The following CCDC7 variants were observed in gnomAD, a reference collection of about 807,000 sequenced individuals.
CCDC7 encodes coiled-coil domain-containing protein 7.
CCDC7 carries 183 observed loss-of-function variants against 196.9 expected under a neutral mutation model. The observed-to-expected ratio is 0.93, with a 90% CI of 0.82 to 1.05. The LOEUF (loss-of-function observed/expected upper bound fraction) is 1.05. Among genes scored for constraint, CCDC7 ranks in the 50% least tolerant of loss-of-function variants. CCDC7 has a pLI of 0.00. For missense variants in CCDC7, 1,540 were observed against 1,482.2 expected (o/e 1.04, Z -0.64); for synonymous variants, 525 against 484.6 (o/e 1.08, Z -1.10).
intron 20 of CCDC7, among the ~76,000 whole-genome samples, chr10:32,658,652 A>G (rs2070517230): frequency 6.6e-6 from 1 of 152,226 alleles, no homozygotes; most frequent in Non-Finnish European, 1.5e-5. Context: ...TGCTGTATAT[A>G]TACACAACGA....
chr10:32,669,392 C>T (rs557585043), intron 21 of CCDC7, among the ~76,000 whole-genome samples: 4 of 152,106 alleles, frequency 2.6e-5, no homozygotes, highest in African/African-American at 9.6e-5. Flanking sequence ...GTAATGCTGG[C>T]CTCCTAAAAT....
intron 9 of CCDC7, among the ~76,000 whole-genome samples, chr10:32,507,476 A>G (rs1318190281): frequency 6.6e-6 from 1 of 150,954 alleles, no homozygotes; most frequent in African/African-American, 2.4e-5. Flanking sequence ...TTTGAGTTGG[A>G]TTCTCACTCT....
At chr10:32,747,827 A>ATTTT (rs1398288882) in intron 28 of CCDC7, among the ~76,000 whole-genome samples, 1 of 152,246 alleles carries the variant, frequency 6.6e-6, no homozygotes, top group Non-Finnish European at 1.5e-5. Flanking sequence ...AACTTAAAAC[A>ATTTT]GAGCTACCAT....
Position 32,845,941 on chromosome 10 carries a change from C to T in CCDC7, c.3586C>T (p.Gln1196Ter). The T allele has an allele frequency of 6.2e-7, 1 of 1,611,334 alleles. No individual in the cohort carries two copies. The highest frequency in any genetic ancestry group is 8.5e-7 in the Non-Finnish European group (1 of 1,177,972). ...TATAATAATAGGGCCAATCACTACA[C>T]AACTGAAGAGTCACCGAGGTAAGAG... The change falls in exon 36 of 42, where the codon CAA becomes TAA. Residue 1196 changes from glutamine (Q) to a stop codon, truncating the protein, a stop_gained. Transcript: ENST00000639629. LOFTEE classifies it high-confidence loss of function.
intron 28 of CCDC7, among the ~76,000 whole-genome samples, chr10:32,767,774 G>A (rs2078556958): frequency 6.6e-6 from 1 of 152,078 alleles, no homozygotes; most frequent in African/African-American, 2.4e-5. Context: ...ATTAAATAAG[G>A]CATCAGTAAC....
intron 21 of CCDC7, among the ~76,000 whole-genome samples, chr10:32,680,464 G>A (rs751441064): frequency 3.3e-5 from 5 of 151,640 alleles, no homozygotes; most frequent in Admixed American, 1.3e-4. Flanking sequence ...AAGTTCTAGA[G>A]TACATGTGCA....
At chr10:32,643,715 C>T (rs943849312) in intron 20 of CCDC7, among the ~76,000 whole-genome samples, 13 of 151,724 alleles carry the variant, frequency 8.6e-5, no homozygotes, top group South Asian at 2.1e-4. Flanking sequence ...TGACTTTCAA[C>T]TTTTTAAGTG....
intron 18 of CCDC7, among the ~76,000 whole-genome samples, chr10:32,625,255 G>A (rs2063877224): frequency 6.6e-6 from 1 of 151,368 alleles, no homozygotes; most frequent in Non-Finnish European, 1.5e-5. Context: ...CCTAATTTAA[G>A]GAATTATGTT....
chr10:32,565,224 T>C (rs2056586199), intron 13 of CCDC7, among the ~76,000 whole-genome samples: 1 of 152,206 alleles, frequency 6.6e-6, no homozygotes, highest in South Asian at 2.1e-4. Context: ...GCCAGAACAA[T>C]GTTTATTTTG....
chr10:32,494,358 T>C (rs2042585098), intron 9 of CCDC7, among the ~76,000 whole-genome samples: 1 of 151,678 alleles, frequency 6.6e-6, no homozygotes, highest in African/African-American at 2.4e-5. Context: ...ATTTCTGGGC[T>C]CTCTATTCTG....
At chr10:32,587,538 C>A (rs573014953) in intron 18 of CCDC7, among the ~76,000 whole-genome samples, 27 of 152,188 alleles carry the variant, frequency 1.8e-4, no homozygotes, top group Non-Finnish European at 2.9e-4. Flanking sequence ...TAACTCTCAA[C>A]ATTGTTGCAC....
At chr10:32,792,594 A>G (rs541345761) in intron 29 of CCDC7, among the ~76,000 whole-genome samples, 1 of 152,324 alleles carries the variant, frequency 6.6e-6, no homozygotes, top group African/African-American at 2.4e-5. Context: ...TGAGGTCAGG[A>G]GTTCAAGACC....
At chr10:32,461,726 TA>T in intron 3 of CCDC7, among the ~76,000 whole-genome samples, 1 of 35,704 alleles carries the variant, frequency 2.8e-5, no homozygotes, top group Non-Finnish European at 6.9e-5. Context: ...TATATATATA[TA>T]TATGTATATA....
At chr10:32,860,708 C>T (rs2093949318) in intron 41 of CCDC7, among the ~76,000 whole-genome samples, 3 of 151,488 alleles carry the variant, frequency 2.0e-5, no homozygotes, top group Non-Finnish European at 2.9e-5. Context: ...TAAGCAACTT[C>T]AGCAAAGTCT....
At chr10:32,548,455 G>C (rs1356369319) in intron 13 of CCDC7, among the ~76,000 whole-genome samples, 1 of 152,158 alleles carries the variant, frequency 6.6e-6, no homozygotes, top group South Asian at 2.1e-4. Flanking sequence ...CTACTGATTA[G>C]AACTGGTGGA....
At chr10:32,550,489 C>T (rs1472289063) in intron 13 of CCDC7, among the ~76,000 whole-genome samples, 1 of 151,990 alleles carries the variant, frequency 6.6e-6, no homozygotes, top group Non-Finnish European at 1.5e-5. Flanking sequence ...TGTTCCAGTT[C>T]TCAGAGGGAA....
upstream of CCDC7, among the ~76,000 whole-genome samples, chr10:32,448,726 A>G (rs756548081): frequency 2.6e-5 from 4 of 152,146 alleles, no homozygotes; most frequent in Non-Finnish European, 5.9e-5. Context: ...TCTGAACATT[A>G]GATACTGCTT....
intron 25 of CCDC7, among the ~76,000 whole-genome samples, chr10:32,725,078 A>T (rs1406974523): frequency 6.6e-6 from 1 of 152,146 alleles, no homozygotes; most frequent in Non-Finnish European, 1.5e-5. Flanking sequence ...ATGCATGAGC[A>T]CATATGCATG....
chr10:32,502,525 T>C (rs1246857764), intron 9 of CCDC7, among the ~76,000 whole-genome samples: 3 of 152,168 alleles, frequency 2.0e-5, no homozygotes, highest in African/African-American at 7.2e-5. Context: ...TGGCTGTATC[T>C]GTTTTGATGC....
Sources: allele counts gnomAD v4.1 joint callset (sites outside exome capture counted in the v4.1 genomes callset), GRCh38; gene constraint gnomAD v4.1.1; transcripts MANE v1.5; gene names NCBI Gene and HGNC (gene_info 2026-07-23, HGNC 2026-07-21).